The following SGCZ variants were observed in gnomAD, a reference collection of about 807,000 sequenced individuals.
The protein encoded by SGCZ is sarcoglycan zeta, also known as zeta-sarcoglycan.
In SGCZ, 40 loss-of-function variants were observed where a neutral mutation model predicts 41.3. That is an observed-to-expected ratio of 0.97 (90% CI 0.75 to 1.26). SGCZ has a LOEUF of 1.26. Ranked by LOEUF, SGCZ falls within the 50% of genes most tolerant of loss-of-function variation. The pLI is 0.00. For synonymous variants in SGCZ, 206 were observed against 137.5 expected (o/e 1.50, Z -3.49); for missense variants, 552 against 369.8 (o/e 1.49, Z -4.04).
At position 14,596,248 on chromosome 8, in the gene SGCZ, A is replaced by G. The variant is rs567829108; in HGVS notation, c.40-41322T>C. ...CAAAATATTTTACAAAGCTTCTCCA[A>G]TTAGGTTATGGCAAAACTAGAAGGT... On this transcript the variant is annotated intron_variant, in intron 1 of 7. Coordinates refer to ENST00000382080, the MANE Select transcript of SGCZ (RefSeq NM_139167.4). 3.3e-5 allele frequency among the ~76,000 whole-genome samples: 5 copies of G among 152,322 alleles called. No homozygotes were observed. In the South Asian group the frequency reaches 8.3e-4, roughly 25 times the overall value.
intron 1 of SGCZ, among the ~76,000 whole-genome samples, chr8:15,045,027 A>G (rs1156714993): frequency 2.0e-5 from 3 of 152,072 alleles, no homozygotes; most frequent in Admixed American, 1.3e-4. Context: ...CTGAATGCAT[A>G]TTTTGGATAT....
intron 1 of SGCZ, among the ~76,000 whole-genome samples, chr8:14,966,288 A>T (rs186574032): frequency 2.0e-5 from 3 of 151,978 alleles, no homozygotes; most frequent in African/African-American, 7.2e-5. Flanking sequence ...TAATTATATC[A>T]AGAGGAGATG....
chr8:15,237,388 C>T (rs1367533007), intron 1 of SGCZ, among the ~76,000 whole-genome samples, 197 bp downstream of exon 1: 1 of 152,196 alleles, frequency 6.6e-6, no homozygotes, highest in Admixed American at 6.5e-5. Flanking sequence ...GGAGTGCAGC[C>T]TGGCTCGGGA....
chr8:15,046,170 AGC>A, intron 1 of SGCZ, among the ~76,000 whole-genome samples: 1 of 152,104 alleles, frequency 6.6e-6, no homozygotes. Flanking sequence ...TTTAAACTAA[AGC>A]AATGGAAATT....
intron 1 of SGCZ, among the ~76,000 whole-genome samples, chr8:15,001,930 T>C (rs6991950): frequency 0.48 from 72,677 of 151,792 alleles, 17,666 homozygotes; most frequent in South Asian, 0.5. Flanking sequence ...GCAGTTTGAT[T>C]CCTGATGATA....
intron 3 of SGCZ, among the ~76,000 whole-genome samples, chr8:14,254,531 A>T (rs1331855392): frequency 6.6e-6 from 1 of 152,236 alleles, no homozygotes; most frequent in African/African-American, 2.4e-5. Context: ...GTGTTAAAAA[A>T]GATTTTAAAA....
At chr8:15,161,887 T>G (rs1444776872) in intron 1 of SGCZ, among the ~76,000 whole-genome samples, 1 of 151,954 alleles carries the variant, frequency 6.6e-6, no homozygotes, top group African/African-American at 2.4e-5. Flanking sequence ...TTACAAAAAT[T>G]AGCTGGGCGT....
chr8:14,494,552 G>A (rs1017818439), intron 2 of SGCZ, among the ~76,000 whole-genome samples: 3 of 151,842 alleles, frequency 2.0e-5, no homozygotes, highest in Non-Finnish European at 2.9e-5. Context: ...ACACACACAC[G>A]CTCCTTACAG....
chr8:14,172,252 A>G (rs1255437738), intron 4 of SGCZ, among the ~76,000 whole-genome samples: 1 of 152,190 alleles, frequency 6.6e-6, no homozygotes, highest in Non-Finnish European at 1.5e-5. Flanking sequence ...TAATTACTGT[A>G]ATCACCTACA....
intron 1 of SGCZ, among the ~76,000 whole-genome samples, chr8:14,753,736 C>T (rs1259047056): frequency 1.3e-5 from 2 of 152,142 alleles, no homozygotes; most frequent in Non-Finnish European, 2.9e-5. Flanking sequence ...GTATAAAGGA[C>T]TCATTCTGTG....
intron 1 of SGCZ, among the ~76,000 whole-genome samples, chr8:14,731,560 C>T (rs60167334): frequency 0.067 from 10,213 of 152,022 alleles, 751 homozygotes; most frequent in African/African-American, 0.18. Context: ...AAAAAGAATG[C>T]GTGCCTGTTT....
At chr8:14,821,634 A>T (rs1802089175) in intron 1 of SGCZ, among the ~76,000 whole-genome samples, 1 of 152,126 alleles carries the variant, frequency 6.6e-6, no homozygotes, top group South Asian at 2.1e-4. Context: ...GGCGAACCTG[A>T]TTCTATGATG....
At chr8:15,186,978 C>T (rs1324703772) in intron 1 of SGCZ, among the ~76,000 whole-genome samples, 1 of 152,042 alleles carries the variant, frequency 6.6e-6, no homozygotes, top group African/African-American at 2.4e-5. Context: ...TGAGAGGAGA[C>T]CTTTCTATTT....
At chr8:14,559,439 C>G (rs1023731829) in intron 1 of SGCZ, among the ~76,000 whole-genome samples, 34 of 151,928 alleles carry the variant, frequency 2.2e-4, no homozygotes, top group African/African-American at 8.0e-4. Flanking sequence ...GGTTAAAGAC[C>G]TTTACAAGAA....
rs1345629544 is a variant in SGCZ, at chr8:14,167,315, C to T, written c.425-2613G>A. On this transcript the variant is annotated intron_variant, in intron 4 of 7. Coordinates refer to ENST00000382080, the MANE Select transcript of SGCZ (RefSeq NM_139167.4). ...TCAGTTACTTAGAGAAGCAACAATG[C>T]CCCATTCAATCTTAATCCACCAATG... Among the ~76,000 whole-genome samples, 3 of 152,202 alleles carry T rather than the reference C, an allele frequency of 2.0e-5. No individual in the cohort carries two copies. The East Asian group carries it at 5.8e-4, about 29-fold the overall frequency.
At chr8:14,251,339 G>A (rs934607265) in intron 3 of SGCZ, among the ~76,000 whole-genome samples, 2 of 152,176 alleles carry the variant, frequency 1.3e-5, no homozygotes, top group Non-Finnish European at 1.5e-5. Context: ...TTCATTCAGA[G>A]CAGGCACCGG....
chr8:14,570,609 A>C (rs1165076707), intron 1 of SGCZ, among the ~76,000 whole-genome samples: 2 of 152,226 alleles, frequency 1.3e-5, no homozygotes, highest in Admixed American at 6.5e-5. Flanking sequence ...TGTAATATTT[A>C]GAATTTCTGA....
chr8:14,368,141 C>T (rs1431037105), intron 2 of SGCZ, among the ~76,000 whole-genome samples: 9 of 151,836 alleles, frequency 5.9e-5, no homozygotes, highest in Admixed American at 5.3e-4. Flanking sequence ...CATGAGTGTG[C>T]TTCTAAATGG....
intron 1 of SGCZ, among the ~76,000 whole-genome samples, chr8:14,628,381 C>T (rs1283081971): frequency 6.6e-6 from 1 of 151,968 alleles, no homozygotes; most frequent in Admixed American, 6.6e-5. Flanking sequence ...ACTGTGTTCT[C>T]CTGTTTCACC....
Sources: allele counts gnomAD v4.1 joint callset (sites outside exome capture counted in the v4.1 genomes callset), GRCh38; gene constraint gnomAD v4.1.1; transcripts MANE v1.5; gene names NCBI Gene and HGNC (gene_info 2026-07-23, HGNC 2026-07-21).